The following EGFR variants were observed in gnomAD, a reference collection of about 807,000 sequenced individuals.
The protein encoded by EGFR is epidermal growth factor receptor.
Under a neutral mutation model 143.0 loss-of-function variants are expected in EGFR, and 58 were observed. That is an observed-to-expected ratio of 0.41 (90% CI 0.33 to 0.50). The LOEUF is 0.50. Ranked by LOEUF, EGFR falls within the 20% of genes least tolerant of loss-of-function variation. The pLI is 0.39. For missense variants in EGFR, 1,307 were observed against 1,579.0 expected (o/e 0.83, Z 2.92); for synonymous variants, 613 against 594.4 (o/e 1.03, Z -0.45).
chr7:55,162,740 C>T (rs553117812), intron 13 of EGFR, among the ~76,000 whole-genome samples: 1 of 152,312 alleles, frequency 6.6e-6, no homozygotes, highest in East Asian at 1.9e-4. Flanking sequence ...AACCCTGTAT[C>T]ACATTTTGTT....
intron 1 of EGFR, chr7:55,109,837 A>G (rs1172919474): frequency 1.0e-6 from 1 of 985,322 alleles, no homozygotes; most frequent in Admixed American, 6.1e-5. Context: ...GAGCTCTAAA[A>G]CAGTTCTCCA....
rs115702936 is a variant in EGFR at position 55,112,071 on chromosome 7, G to A, written c.89-30215G>A. ...ACCTGGGCTACCCAGCCTCACCCACGACGCCCTCACTAAGTGACCCACAGG... is the reference window on the plus strand; with the variant it reads ...ACCTGGGCTACCCAGCCTCACCCACAACGCCCTCACTAAGTGACCCACAGG... On this transcript the variant is annotated intron_variant, in intron 1 of 27. Coordinates refer to ENST00000275493, the MANE Select transcript of EGFR (RefSeq NM_005228.5). Among the ~76,000 whole-genome samples the A allele has an allele frequency of 7.7e-3, 1,165 of 152,230 alleles. 17 individuals carry two copies. The highest frequency in any genetic ancestry group is 0.026 in the African/African-American group (1,098 of 41,526).
chr7:55,060,356 T>C (rs1022890723), intron 1 of EGFR, among the ~76,000 whole-genome samples: 4 of 152,238 alleles, frequency 2.6e-5, no homozygotes, highest in African/African-American at 9.6e-5. Context: ...TTCTGGATTA[T>C]TTCCTTAGTA....
At chr7:55,108,788 T>C (rs1015384325) in intron 1 of EGFR, among the ~76,000 whole-genome samples, 2 of 152,150 alleles carry the variant, frequency 1.3e-5, no homozygotes, top group Non-Finnish European at 2.9e-5. Flanking sequence ...GGACTCCAGG[T>C]GGCAGAATAA....
chr7:55,143,221 C>T, intron 2 of EGFR, 84 bp from the exon 3 acceptor site: 1 of 1,499,078 alleles, frequency 6.7e-7, no homozygotes, highest in Middle Eastern at 2.3e-4. Flanking sequence ...ACTGGGCGTC[C>T]TAGGGCTCCC....
chr7:55,063,145 G>T (rs1471043988), intron 1 of EGFR, among the ~76,000 whole-genome samples: 1 of 152,124 alleles, frequency 6.6e-6, no homozygotes, highest in African/African-American at 2.4e-5. Flanking sequence ...AACACATGGG[G>T]GTCAAGTTTC....
chr7:55,076,268 C>T (rs952115125), intron 1 of EGFR, among the ~76,000 whole-genome samples: 2 of 152,100 alleles, frequency 1.3e-5, no homozygotes, highest in East Asian at 1.9e-4. Flanking sequence ...GAAATGGTAA[C>T]GCATGTCAAA....
rs1790691514 is a variant in EGFR at position 55,085,320 on chromosome 7, A to C, written c.89-56966A>C. ...CATTCATGTAAATCCTTTTAAGTTT[A>C]TAAAACCTCCATGTGGCTCCTGCAT... is the stretch of plus-strand genomic sequence containing the variant. On this transcript the variant is annotated intron_variant, in intron 1 of 27. Transcript: ENST00000275493. Among the ~76,000 whole-genome samples, 6 of 152,188 alleles carry C rather than the reference A, an allele frequency of 3.9e-5. No homozygotes were observed. The South Asian group carries it at 1.2e-3, about 32-fold the overall frequency.
chr7:55,058,468 C>A (rs923564557), intron 1 of EGFR, among the ~76,000 whole-genome samples: 1 of 151,848 alleles, frequency 6.6e-6, no homozygotes, highest in South Asian at 2.1e-4. Context: ...AAATGCCCAT[C>A]GGTGATAGAC....
intron 15 of EGFR, chr7:55,170,407 C>G (rs1260801976): frequency 3.7e-6 from 6 of 1,614,142 alleles, no homozygotes; most frequent in Non-Finnish European, 5.1e-6. Context: ...GAGCGGGAGC[C>G]CAGCTGCTCA....
rs1452359664 is a variant in EGFR, at chr7:55,208,806, A to C, written c.*3189A>C. 6.6e-6 allele frequency: 1 copy of C among 152,140 alleles called. No individual in the cohort carries two copies. Among genetic ancestry groups the C allele is most frequent in the Non-Finnish European group, 1.5e-5 (1 of 68,022 alleles). The allele number at this position is 152,140 out of a possible 1,614,324, so 9.4% of individuals were successfully genotyped here. A position where few individuals can be genotyped will look rare whatever the true frequency, so the allele number is the denominator to read the frequency against. ...CTATGGATTGCTTAGCAGGAAAGGC[A>C]CTGGTTCTCAAGGGCGGCTGCCCTT... On this transcript the variant is annotated 3_prime_UTR_variant, in exon 28 of 28. Coordinates refer to ENST00000275493, the MANE Select transcript of EGFR (RefSeq NM_005228.5).
chr7:55,135,975 A>T (rs1185098388), intron 1 of EGFR, among the ~76,000 whole-genome samples: 2 of 152,196 alleles, frequency 1.3e-5, no homozygotes, highest in African/African-American at 4.8e-5. Flanking sequence ...ATAAAAACAC[A>T]AAAACTATGA....
chr7:55,195,459 T>G (rs925895300), intron 22 of EGFR, among the ~76,000 whole-genome samples: 5 of 152,362 alleles, frequency 3.3e-5, no homozygotes, highest in Non-Finnish European at 7.3e-5. Flanking sequence ...GGGTTTTTAT[T>G]CTATGCTTGT....
At chr7:55,146,238 C>T (rs968729688) in intron 3 of EGFR, among the ~76,000 whole-genome samples, 1 of 152,080 alleles carries the variant, frequency 6.6e-6, no homozygotes, top group African/African-American at 2.4e-5. Context: ...GCCTCCCTGC[C>T]CTGCCTACCC....
intron 17 of EGFR, among the ~76,000 whole-genome samples, chr7:55,173,520 T>C (rs1309692246): frequency 6.6e-6 from 1 of 152,206 alleles, no homozygotes; most frequent in Non-Finnish European, 1.5e-5. Flanking sequence ...CACAGCCCAG[T>C]CCTGTGCTGG....
chr7:55,159,345 C>T (rs925123265), intron 11 of EGFR, among the ~76,000 whole-genome samples: 21 of 151,936 alleles, frequency 1.4e-4, no homozygotes, highest in Admixed American at 3.3e-4. Context: ...ATGTCCACCG[C>T]GTGCTTTCCT....
intron 1 of EGFR, among the ~76,000 whole-genome samples, chr7:55,092,956 T>G (rs1056138163): frequency 6.6e-6 from 1 of 152,248 alleles, no homozygotes; most frequent in Non-Finnish European, 1.5e-5. Context: ...ATTAGAGTAT[T>G]GATTCTAAAG....
At chr7:55,058,317 G>T (rs58241301) in intron 1 of EGFR, among the ~76,000 whole-genome samples, 2,076 of 152,146 alleles carry the variant, frequency 0.014, 44 homozygotes, top group African/African-American at 0.047. Context: ...TTGCTTGAAC[G>T]CGGGAGGCGG....
At chr7:55,047,620 G>A (rs530984578) in intron 1 of EGFR, among the ~76,000 whole-genome samples, 20 of 152,226 alleles carry the variant, frequency 1.3e-4, no homozygotes, top group African/African-American at 3.9e-4. Flanking sequence ...GCTTGGTGGC[G>A]CATGCCGGTA....
Sources: allele counts gnomAD v4.1 joint callset (sites outside exome capture counted in the v4.1 genomes callset), GRCh38; gene constraint gnomAD v4.1.1; transcripts MANE v1.5; gene names NCBI Gene and HGNC (gene_info 2026-07-23, HGNC 2026-07-21).